INPP4B: variants seen among roughly 807,000 people sequenced by gnomAD.
INPP4B encodes inositol polyphosphate 4-phosphatase type II.
Under a neutral mutation model 122.5 loss-of-function variants are expected in INPP4B, and 55 were observed. That is an observed-to-expected ratio of 0.45 (90% CI 0.36 to 0.56). The LOEUF (loss-of-function observed/expected upper bound fraction) is 0.56, where lower values mean the gene tolerates loss of function less well. Ranked by LOEUF, INPP4B falls within the 20% of genes least tolerant of loss-of-function variation. The pLI is 0.00. For synonymous variants in INPP4B, 403 were observed against 388.7 expected (o/e 1.04, Z -0.43); for missense variants, 1,000 against 1,097.7 (o/e 0.91, Z 1.26).
chr4:142,180,128 C>T (rs996142501), intron 15 of INPP4B, among the ~76,000 whole-genome samples: 1 of 152,052 alleles, frequency 6.6e-6, no homozygotes, highest in Non-Finnish European at 1.5e-5. Flanking sequence ...TTTGGGGTGA[C>T]AAAAATGTCC....
chr4:142,248,628 GTA>G (rs1338259309), intron 11 of INPP4B, among the ~76,000 whole-genome samples: 3 of 62,928 alleles, frequency 4.8e-5, no homozygotes, highest in Admixed American at 1.9e-4. Flanking sequence ...CTCACTCTCT[GTA>G]TGTGTGTGTG....
In INPP4B at chr4:142,195,927, T is replaced by C. The variant is rs569536709; in HGVS notation, c.1073-2732A>G. Among the ~76,000 whole-genome samples the C allele has an allele frequency of 1.5e-3, 221 of 152,314 alleles. 2 individuals carry two copies. Among genetic ancestry groups the C allele is most frequent in the Middle Eastern group, 0.01 (3 of 294 alleles). Reference sequence around the variant, plus strand: ...CTTTACGGTGAATCTGTGTCTTCAATTCATCCATAATTTTAGCATCCTCCA... The same window carrying C: ...CTTTACGGTGAATCTGTGTCTTCAACTCATCCATAATTTTAGCATCCTCCA... On this transcript the variant is annotated intron_variant, in intron 14 of 25. Transcript: ENST00000262992.
chr4:142,668,163 C>T lies in INPP4B; in HGVS notation c.-191+57676G>A, dbSNP rs532254455. 2.7e-4 allele frequency among the ~76,000 whole-genome samples: 41 copies of T among 152,162 alleles called. No homozygotes were observed. The East Asian group carries it at 4.4e-3, about 16-fold the overall frequency. On this transcript the variant is annotated intron_variant, in intron 2 of 25. Coordinates refer to ENST00000262992, the MANE Select transcript of INPP4B (RefSeq NM_001101669.3). ...TAATATCAAACTGAATTCAACAGCA[C>T]GATCAAGTGGAATTCACCCCAGGGA... is the stretch of plus-strand genomic sequence containing the variant.
chr4:142,281,288 T>C (rs552347013), intron 9 of INPP4B, among the ~76,000 whole-genome samples: 2 of 151,576 alleles, frequency 1.3e-5, no homozygotes, highest in East Asian at 3.9e-4. Flanking sequence ...AAGCAAAAAA[T>C]AGATACACTT....
chr4:142,738,286 A>T (rs1321036136), intron 1 of INPP4B, among the ~76,000 whole-genome samples: 1 of 152,232 alleles, frequency 6.6e-6, no homozygotes, highest in African/African-American at 2.4e-5. Flanking sequence ...GCCATAAAAA[A>T]TGATGAGTTC....
intron 3 of INPP4B, among the ~76,000 whole-genome samples, chr4:142,441,141 G>A (rs981799623): frequency 6.6e-6 from 1 of 152,146 alleles, no homozygotes; most frequent in Admixed American, 6.5e-5. Flanking sequence ...ATGATCATAC[G>A]TGAATTTTAG....
chr4:142,543,250 C>T (rs1457269575), intron 2 of INPP4B, among the ~76,000 whole-genome samples: 1 of 152,092 alleles, frequency 6.6e-6, no homozygotes, highest in Non-Finnish European at 1.5e-5. Flanking sequence ...TAAATAAATG[C>T]TGTTTCCAAT....
chr4:142,321,356 A>T, intron 7 of INPP4B, among the ~76,000 whole-genome samples: 1 of 152,056 alleles, frequency 6.6e-6, no homozygotes, highest in Non-Finnish European at 1.5e-5. Context: ...TAAATTCTAA[A>T]TATTATCCCT....
chr4:142,551,287 G>T (rs1013238512), intron 2 of INPP4B, among the ~76,000 whole-genome samples: 1 of 152,174 alleles, frequency 6.6e-6, no homozygotes, highest in Non-Finnish European at 1.5e-5. Flanking sequence ...CCTTTTCAAA[G>T]CTTCAGCAGA....
At chr4:142,501,864 G>C (rs556980623) in intron 2 of INPP4B, among the ~76,000 whole-genome samples, 3 of 151,978 alleles carry the variant, frequency 2.0e-5, no homozygotes, top group Non-Finnish European at 1.5e-5. Flanking sequence ...AAAGAATACC[G>C]GACCATGAAA....
At chr4:142,759,171 T>A (rs954418781) in intron 1 of INPP4B, among the ~76,000 whole-genome samples, 1 of 152,182 alleles carries the variant, frequency 6.6e-6, no homozygotes, top group African/African-American at 2.4e-5. Context: ...TTAACTAGTA[T>A]GTAGAAGAGA....
At chr4:142,549,641 C>A (rs1205432528) in intron 2 of INPP4B, among the ~76,000 whole-genome samples, 1 of 152,072 alleles carries the variant, frequency 6.6e-6, no homozygotes, top group Non-Finnish European at 1.5e-5. Flanking sequence ...GACTGTGTGC[C>A]TTTTTTATGG....
At chr4:142,051,639 T>A (rs938637177) in intron 25 of INPP4B, among the ~76,000 whole-genome samples, 1 of 152,052 alleles carries the variant, frequency 6.6e-6, no homozygotes, top group South Asian at 2.1e-4. Flanking sequence ...TACACACATT[T>A]AACATCAGCG....
chr4:142,264,027 A>G (rs1459421248), intron 10 of INPP4B, among the ~76,000 whole-genome samples: 1 of 151,528 alleles, frequency 6.6e-6, no homozygotes, highest in Admixed American at 6.6e-5. Context: ...GGACGGGGAG[A>G]CTCCTGTAAG....
At chr4:142,452,522 T>A (rs1814522694) in intron 3 of INPP4B, among the ~76,000 whole-genome samples, 1 of 152,184 alleles carries the variant, frequency 6.6e-6, no homozygotes, top group Admixed American at 6.5e-5. Flanking sequence ...GGTAAAATGT[T>A]TCAACAGAAG....
intron 9 of INPP4B, among the ~76,000 whole-genome samples, chr4:142,273,195 C>T (rs929243408): frequency 1.3e-5 from 2 of 151,886 alleles, no homozygotes; most frequent in African/African-American, 2.4e-5. Flanking sequence ...GTAAAGTGCT[C>T]AACACAATGT....
At chr4:142,651,653 C>A (rs1458447539) in intron 2 of INPP4B, among the ~76,000 whole-genome samples, 7 of 152,160 alleles carry the variant, frequency 4.6e-5, no homozygotes, top group African/African-American at 1.7e-4. Flanking sequence ...CACATACACC[C>A]TCCCAAGACT....
At chr4:142,364,078 T>C (rs1786507154) in intron 7 of INPP4B, among the ~76,000 whole-genome samples, 1 of 152,050 alleles carries the variant, frequency 6.6e-6, no homozygotes. Context: ...TATTTTCCTT[T>C]CTAACATCTC....
chr4:142,243,130 C>A (rs955758437), intron 11 of INPP4B, among the ~76,000 whole-genome samples: 1 of 152,152 alleles, frequency 6.6e-6, no homozygotes, highest in African/African-American at 2.4e-5. Context: ...GCACAGGGAT[C>A]AGAATCAGGG....
Sources: allele counts gnomAD v4.1 joint callset (sites outside exome capture counted in the v4.1 genomes callset), GRCh38; gene constraint gnomAD v4.1.1; transcripts MANE v1.5; gene names NCBI Gene and HGNC (gene_info 2026-07-23, HGNC 2026-07-21).